Variants in RASSF3 observed in about 807,000 individuals in gnomAD.
RASSF3 encodes the protein Ras association domain family member 3.
In RASSF3, 19 loss-of-function variants were observed where a neutral mutation model predicts 19.9. That is an observed-to-expected ratio of 0.96 (90% CI 0.67 to 1.40). The LOEUF (loss-of-function observed/expected upper bound fraction) is 1.40, where lower values mean the gene tolerates loss of function less well. RASSF3 is among the 40% of genes most tolerant of loss of function. RASSF3 has a pLI of 0.00. For missense variants in RASSF3, 306 were observed against 289.8 expected (o/e 1.06, Z -0.41); for synonymous variants, 110 against 104.2 (o/e 1.06, Z -0.34).
chr12:64,516,348 G>A (rs560007938), intron 1 of RASSF3, among the ~76,000 whole-genome samples: 2 of 152,182 alleles, frequency 1.3e-5, no homozygotes, highest in Admixed American at 6.5e-5. Context: ...GGCCGGGCGC[G>A]GTGGCTCACG....
chr12:64,583,649 GT>G (rs1565843361), intron 2 of RASSF3, among the ~76,000 whole-genome samples: 1 of 151,994 alleles, frequency 6.6e-6, no homozygotes, highest in African/African-American at 2.4e-5. Context: ...AAACACCAGC[GT>G]TTCAGTCATC....
At chr12:64,668,923 C>T (rs1349509457) in intron 1 of RASSF3, among the ~76,000 whole-genome samples, 1 of 151,466 alleles carries the variant, frequency 6.6e-6, no homozygotes, top group Non-Finnish European at 1.5e-5. Flanking sequence ...CCCGCCTCGG[C>T]CTCCCAAAGT....
chr12:64,629,540 C>A (rs1871101949), intron 1 of RASSF3, among the ~76,000 whole-genome samples: 1 of 152,094 alleles, frequency 6.6e-6, no homozygotes, highest in Admixed American at 6.5e-5. Context: ...TCCTAGTAGT[C>A]CTGAAATTCT....
At chr12:64,523,193 G>C (rs544071534) in intron 1 of RASSF3, among the ~76,000 whole-genome samples, 1 of 152,160 alleles carries the variant, frequency 6.6e-6, no homozygotes, top group African/African-American at 2.4e-5. Flanking sequence ...ATCACCTGAG[G>C]TCAGGAGTTC....
At chr12:64,692,117 C>T (rs185017025) in intron 4 of RASSF3, among the ~76,000 whole-genome samples, 7 of 152,194 alleles carry the variant, frequency 4.6e-5, no homozygotes, top group Middle Eastern at 3.4e-3. Flanking sequence ...CATGTTGTCT[C>T]CAGGGAGGAT....
intron 2 of RASSF3, among the ~76,000 whole-genome samples, chr12:64,550,800 G>C (rs1869145744): frequency 7.5e-6 from 1 of 133,416 alleles, no homozygotes; most frequent in Non-Finnish European, 1.5e-5. Context: ...CAGCCTGAGA[G>C]AGGGAGAGAG....
downstream of RASSF3, among the ~76,000 whole-genome samples, chr12:64,545,779 G>T (rs1446102771): frequency 6.6e-6 from 1 of 152,126 alleles, no homozygotes; most frequent in Non-Finnish European, 1.5e-5. Flanking sequence ...AATTTAAAAT[G>T]AGGCAGGAAG....
At chr12:64,538,579 A>T (rs1868877132) in intron 1 of RASSF3, among the ~76,000 whole-genome samples, 2 of 152,112 alleles carry the variant, frequency 1.3e-5, no homozygotes, top group South Asian at 4.1e-4. Context: ...TCTCATCATC[A>T]TGACTATTAT....
chr12:64,532,819 G>A (rs1048831483), upstream of RASSF3, among the ~76,000 whole-genome samples: 3 of 152,136 alleles, frequency 2.0e-5, no homozygotes, highest in African/African-American at 7.2e-5. Flanking sequence ...GGGCAACAGA[G>A]GGAGACCCTA....
intron 1 of RASSF3, among the ~76,000 whole-genome samples, chr12:64,677,759 G>T (rs896886672): frequency 1.3e-5 from 2 of 152,202 alleles, no homozygotes; most frequent in South Asian, 4.1e-4. Context: ...CTGTGTGACA[G>T]TTCTCTTTGT....
chr12:64,631,762 G>A (rs1871177047), intron 1 of RASSF3, among the ~76,000 whole-genome samples: 3 of 152,066 alleles, frequency 2.0e-5, no homozygotes, highest in Non-Finnish European at 4.4e-5. Context: ...TAGAGATGGA[G>A]TTTTGCCATG....
intron 2 of RASSF3, among the ~76,000 whole-genome samples, chr12:64,603,911 G>A (rs1000222364): frequency 6.6e-6 from 1 of 151,956 alleles, no homozygotes; most frequent in African/African-American, 2.4e-5. Context: ...GCAGTGGCAC[G>A]ATCTTGGCTC....
chr12:64,603,164 T>C (rs1407376310), intron 2 of RASSF3, among the ~76,000 whole-genome samples: 2 of 137,760 alleles, frequency 1.5e-5, no homozygotes, highest in African/African-American at 6.7e-5. Flanking sequence ...TTTCTTTAAC[T>C]TTTTTTTTTG....
At chr12:64,512,436 G>A (rs1281130297) in intron 1 of RASSF3, among the ~76,000 whole-genome samples, 1 of 152,028 alleles carries the variant, frequency 6.6e-6, no homozygotes, top group African/African-American at 2.4e-5. Context: ...ACATGGTGAG[G>A]GCCCCATCTC....
upstream of RASSF3, among the ~76,000 whole-genome samples, chr12:64,607,335 A>G (rs2136149817): frequency 6.7e-6 from 1 of 149,258 alleles, no homozygotes; most frequent in Non-Finnish European, 1.5e-5. Flanking sequence ...CTTTTAGGAA[A>G]CAAAATCACA....
At chr12:64,671,038 G>A (rs1199264885) in intron 1 of RASSF3, among the ~76,000 whole-genome samples, 1 of 152,128 alleles carries the variant, frequency 6.6e-6, no homozygotes, top group Non-Finnish European at 1.5e-5. Flanking sequence ...GTTGTGAAGG[G>A]TGTGGCATGG....
At chr12:64,664,079 C>T (rs1194078359) in intron 1 of RASSF3, among the ~76,000 whole-genome samples, 1 of 152,094 alleles carries the variant, frequency 6.6e-6, no homozygotes, top group Non-Finnish European at 1.5e-5. Flanking sequence ...ACCTGGTAAA[C>T]AGCAACTTTA....
chr12:64,565,831 C>T (rs868125944), intron 2 of RASSF3, among the ~76,000 whole-genome samples: 2 of 149,218 alleles, frequency 1.3e-5, no homozygotes, highest in Admixed American at 6.8e-5. Context: ...TGCACTGAAG[C>T]GAGATCTCGC....
At chr12:64,577,285 A>AGCAT (rs1869610735) in intron 2 of RASSF3, among the ~76,000 whole-genome samples, 1 of 152,234 alleles carries the variant, frequency 6.6e-6, no homozygotes, top group Non-Finnish European at 1.5e-5. Context: ...ATGCCCTTTA[A>AGCAT]GCTTTCCCCA....
Sources: gnomAD v4.1 joint callset for allele counts (sites outside exome capture counted in the v4.1 genomes callset) on GRCh38, gnomAD v4.1.1 for gene constraint, MANE v1.5 for transcripts, NCBI Gene and HGNC (gene_info 2026-07-23, HGNC 2026-07-21) for gene names.